Variants in IL17F observed in about 807,000 individuals in gnomAD.
IL17F encodes the protein interleukin-17F.
A neutral mutation model predicts 8.3 loss-of-function variants in IL17F; 6 were observed. That is an observed-to-expected ratio of 0.73 (90% CI 0.40 to 1.43). IL17F has a LOEUF of 1.43. IL17F is among the 40% of genes most tolerant of loss of function. The pLI is 0.02. For synonymous variants in IL17F, 98 were observed against 81.6 expected (o/e 1.20, Z -1.08); for missense variants, 204 against 209.6 (o/e 0.97, Z 0.17).
rs569067591 is a variant in IL17F, at chr6:52,241,683, C to T, written c.33+2714G>A. ...TACATCTCTTTAAACACTGGATTTT[C>T]ACAACTACCTGGTGAGGTAATCAGA... On this transcript the variant is annotated intron_variant, in intron 1 of 2. Coordinates refer to ENST00000336123, the MANE Select transcript of IL17F (RefSeq NM_052872.4). Among the ~76,000 whole-genome samples the T allele has an allele frequency of 2.0e-5, 3 of 152,196 alleles. No homozygotes were observed. In the South Asian group the frequency reaches 6.2e-4, roughly 32 times the overall value.
intron 2 of IL17F, 91 bp from the exon 3 acceptor site, chr6:52,237,259 G>GAACTGCCTCCCTGCA: frequency 4.1e-6 from 4 of 975,968 alleles, no homozygotes; most frequent in Non-Finnish European, 6.4e-6. Flanking sequence ...TTCACCTGCA[G>GAACTGCCTCCCTGCA]GGAGGCAGTT....
chr6:52,244,261 A>C, intron 1 of IL17F, 136 bp downstream of exon 1: 1 of 857,628 alleles, frequency 1.2e-6, no homozygotes, highest in South Asian at 1.3e-5. Flanking sequence ...ACCAGACAGG[A>C]GTCAAAATTA....
chr6:52,241,964 G>A (rs1049781867), intron 1 of IL17F, among the ~76,000 whole-genome samples: 1 of 152,192 alleles, frequency 6.6e-6, no homozygotes, highest in Non-Finnish European at 1.5e-5. Context: ...AGGTCACATA[G>A]CTCGTTATCA....
chr6:52,240,696 G>A (rs1048140687), intron 1 of IL17F, among the ~76,000 whole-genome samples: 2 of 152,094 alleles, frequency 1.3e-5, no homozygotes, highest in African/African-American at 4.8e-5. Flanking sequence ...ACCCAGAAGA[G>A]TCAGAATGAG....
chr6:52,244,344 T>G lies in IL17F; in HGVS notation c.33+53A>C, dbSNP rs1764124353. On this transcript the variant is annotated intron_variant, in intron 1 of 2. Transcript: ENST00000336123. ...AACCTAATTCCTTAGGATTCTGTTT[T>G]CTGAAATCCTAGGCATGACAGTCCT... 4 of 1,555,998 alleles carry G rather than the reference T, an allele frequency of 2.6e-6. No individual in the cohort carries two copies. The South Asian group carries it at 4.4e-5, about 17-fold the overall frequency.
upstream of IL17F, among the ~76,000 whole-genome samples, chr6:52,244,887 A>T (rs1172638230): frequency 1.3e-5 from 2 of 152,188 alleles, no homozygotes; most frequent in East Asian, 3.8e-4. Flanking sequence ...AATGGGAGAA[A>T]ACTCATCCTT....
At chr6:52,242,936 TAATC>T (rs1291634653) in intron 1 of IL17F, among the ~76,000 whole-genome samples, 1 of 152,198 alleles carries the variant, frequency 6.6e-6, no homozygotes, top group Non-Finnish European at 1.5e-5. Context: ...AGATATTAAT[TAATC>T]CTCCCAATAA....
At chr6:52,237,469 C>T (rs1234470902) in intron 2 of IL17F, among the ~76,000 whole-genome samples, 1 of 152,158 alleles carries the variant, frequency 6.6e-6, no homozygotes, top group African/African-American at 2.4e-5. Flanking sequence ...TGTTAGCATT[C>T]AATTAACATT....
chr6:52,236,731 TCTC>T lies in IL17F; in HGVS notation c.*197_*199del. 1 of 589,508 alleles carries T rather than the reference TCTC, an allele frequency of 1.7e-6. No individual in the cohort carries two copies. The highest frequency in any genetic ancestry group is 3.0e-6 in the Non-Finnish European group (1 of 330,726). The allele number at this position is 589,508 out of a possible 1,614,324, so 36.5% of individuals were successfully genotyped here. A position where few individuals can be genotyped will look rare whatever the true frequency, so the allele number is the denominator to read the frequency against. ...TATTAGCACTGAATATATTAATTTT[TCTC>T]CTAACATTTTAGATATCAAATATAA... On this transcript the variant is annotated 3_prime_UTR_variant, in exon 3 of 3. Coordinates refer to ENST00000336123, the MANE Select transcript of IL17F (RefSeq NM_052872.4).
chr6:52,238,557 T>A (rs1764009954), intron 2 of IL17F, among the ~76,000 whole-genome samples, 173 bp downstream of exon 2: 1 of 152,346 alleles, frequency 6.6e-6, no homozygotes. Context: ...ACCACAAAGG[T>A]GAACCTAGTC....
In IL17F at chr6:52,239,559, T is replaced by C. The variant is rs1212747293; in HGVS notation, c.34-609A>G. On this transcript the variant is annotated intron_variant, in intron 1 of 2. Transcript: ENST00000336123. ...TCTCCTCTAAGAACAGTCCCTAAAA[T>C]GGTTCAATCAGAAGCATGTTTATTA... Among the ~76,000 whole-genome samples the C allele has an allele frequency of 2.6e-5, 4 of 152,148 alleles. No individual in the cohort carries two copies. In the South Asian group the frequency reaches 8.3e-4, roughly 32 times the overall value.
intron 1 of IL17F, among the ~76,000 whole-genome samples, chr6:52,240,540 G>T (rs1023423109): frequency 2.0e-5 from 3 of 151,938 alleles, no homozygotes; most frequent in African/African-American, 7.3e-5. Flanking sequence ...TAGGGAAGGT[G>T]ATTAGACATG....
At chr6:52,239,552 C>T (rs964485710) in intron 1 of IL17F, among the ~76,000 whole-genome samples, 2 of 152,060 alleles carry the variant, frequency 1.3e-5, no homozygotes, top group Non-Finnish European at 1.5e-5. Flanking sequence ...AAGAACAGTC[C>T]CTAAAATGGT....
At chr6:52,241,204 G>C (rs751838806) in intron 1 of IL17F, among the ~76,000 whole-genome samples, 2 of 151,966 alleles carry the variant, frequency 1.3e-5, no homozygotes, top group African/African-American at 2.4e-5. Flanking sequence ...TCAGCCTTCC[G>C]AGTAGCTGGG....
intron 1 of IL17F, among the ~76,000 whole-genome samples, chr6:52,240,217 A>T (rs1388010860): frequency 6.6e-6 from 1 of 152,102 alleles, no homozygotes; most frequent in Non-Finnish European, 1.5e-5. Flanking sequence ...TGGGTGGATC[A>T]CCTGAAGTCA....
chr6:52,244,513 T>A (rs1028477076), upstream of IL17F: 40 of 1,290,952 alleles, frequency 3.1e-5, no homozygotes, highest in Non-Finnish European at 4.1e-5. Context: ...TCAATGAGAG[T>A]ACCTGTTAGT....
rs1763978047 is a variant in IL17F at position 52,237,086 on chromosome 6, T to C, written c.337A>G (p.Lys113Glu). 1.2e-6 allele frequency: 2 copies of C among 1,614,088 alleles called. No individual in the cohort carries two copies. The highest frequency in any genetic ancestry group is 8.5e-7 in the Non-Finnish European group (1 of 1,180,042). The change falls in exon 3 of 3, where the codon AAG becomes GAG. Residue 113 changes from lysine to glutamate, a missense_variant. Transcript: ENST00000336123. ...ACGGAATTCATGGAGATGTCTTCCTTTCCTTGAGCATTGATGCAGCCCAAG... is the reference window on the plus strand; with the variant it reads ...ACGGAATTCATGGAGATGTCTTCCTCTCCTTGAGCATTGATGCAGCCCAAG... ...RNLGCINAQG[K>E]EDISMNSVPI...
chr6:52,241,386 C>CT (rs939265130), intron 1 of IL17F, among the ~76,000 whole-genome samples: 1 of 151,130 alleles, frequency 6.6e-6, no homozygotes, highest in African/African-American at 2.4e-5. Flanking sequence ...CCTGCTATGA[C>CT]TTTTTTTTTA....
chr6:52,237,295 G>A (rs1485040727), intron 2 of IL17F, 127 bp from the exon 3 acceptor site: 1 of 699,990 alleles, frequency 1.4e-6, no homozygotes. Flanking sequence ...ACAGGTTCTG[G>A]AGCCACACAG....
Sources: gnomAD v4.1 joint callset for allele counts (sites outside exome capture counted in the v4.1 genomes callset) on GRCh38, gnomAD v4.1.1 for gene constraint, MANE v1.5 for transcripts, NCBI Gene and HGNC (gene_info 2026-07-23, HGNC 2026-07-21) for gene names.